RORA: variants seen among roughly 807,000 people sequenced by gnomAD.
RORA encodes the protein nuclear receptor ROR-alpha.
A neutral mutation model predicts 69.5 loss-of-function variants in RORA; 7 were observed. The ratio of observed to expected loss-of-function variants is 0.10; its 90% CI spans 0.06 to 0.19. The LOEUF (loss-of-function observed/expected upper bound fraction) is 0.19. Among genes scored for constraint, RORA ranks in the 10% least tolerant of loss-of-function variants. RORA has a pLI of 1.00. For synonymous variants in RORA, 261 were observed against 240.8 expected (o/e 1.08, Z -0.78); for missense variants, 457 against 663.0 (o/e 0.69, Z 3.41).
At chr15:60,829,217 G>A (rs2073005892) in intron 1 of RORA, among the ~76,000 whole-genome samples, 1 of 152,168 alleles carries the variant, frequency 6.6e-6, no homozygotes, top group African/African-American at 2.4e-5. Context: ...GCAGCAGGAA[G>A]GCTTCATCCC....
At chr15:60,898,036 G>C (rs1203177162) in intron 1 of RORA, among the ~76,000 whole-genome samples, 2 of 152,208 alleles carry the variant, frequency 1.3e-5, no homozygotes, top group Non-Finnish European at 2.9e-5. Context: ...AAAACTGTAA[G>C]ATTAGGAAAG....
intron 1 of RORA, among the ~76,000 whole-genome samples, chr15:60,948,718 A>C (rs929124412): frequency 3.9e-5 from 6 of 152,220 alleles, no homozygotes; most frequent in African/African-American, 1.4e-4. Flanking sequence ...ACACATTTGG[A>C]TCTTCCAATT....
chr15:60,731,413 T>C (rs1264676326), intron 1 of RORA, among the ~76,000 whole-genome samples: 1 of 152,158 alleles, frequency 6.6e-6, no homozygotes, highest in Non-Finnish European at 1.5e-5. Context: ...CACTGAGTGT[T>C]TCTGGTGAAA....
chr15:60,877,781 A>G (rs1384133328), intron 1 of RORA, among the ~76,000 whole-genome samples: 5 of 152,218 alleles, frequency 3.3e-5, no homozygotes, highest in Non-Finnish European at 7.3e-5. Context: ...TCAAAGCAAT[A>G]AAAGAAAGAT....
intron 1 of RORA, among the ~76,000 whole-genome samples, chr15:60,739,770 GCTTGT>G (rs1567174649): frequency 6.6e-6 from 1 of 151,810 alleles, no homozygotes; most frequent in African/African-American, 2.4e-5. Context: ...CACATTTACC[GCTTGT>G]CTCTGGGAGC....
At chr15:61,125,201 G>GT (rs1480287002) in intron 1 of RORA, among the ~76,000 whole-genome samples, 2 of 152,062 alleles carry the variant, frequency 1.3e-5, no homozygotes, top group Non-Finnish European at 2.9e-5. Context: ...GCCAACTATC[G>GT]TATTATTGTA....
chr15:60,985,199 A>G lies in RORA; in HGVS notation c.166+243854T>C, dbSNP rs1894163220. Reference sequence around the variant, plus strand: ...TGTCTGAATCTAAGAATCTTTTTCTATTATGATGAGTGAGATCAGGAAATG... The same window carrying G: ...TGTCTGAATCTAAGAATCTTTTTCTGTTATGATGAGTGAGATCAGGAAATG... On this transcript the variant is annotated intron_variant, in intron 1 of 10. Transcript: ENST00000335670. Among the ~76,000 whole-genome samples, 2 of 152,180 alleles carry G rather than the reference A, an allele frequency of 1.3e-5. 1 individual carries two copies. The highest frequency in any genetic ancestry group is 4.1e-4 in the South Asian group (2 of 4,836).
At chr15:60,917,529 AC>A (rs1891914156) in intron 1 of RORA, among the ~76,000 whole-genome samples, 5 of 152,134 alleles carry the variant, frequency 3.3e-5, no homozygotes. Flanking sequence ...GTGCTGTCCC[AC>A]TTTTTCCCTC....
intron 2 of RORA, among the ~76,000 whole-genome samples, chr15:60,676,421 T>G (rs1202215369): frequency 6.6e-6 from 1 of 152,252 alleles, no homozygotes; most frequent in Non-Finnish European, 1.5e-5. Context: ...CAGGTGCTAT[T>G]CTTTCCAATT....
chr15:61,100,686 C>T (rs2078866749), intron 1 of RORA, among the ~76,000 whole-genome samples: 1 of 152,154 alleles, frequency 6.6e-6, no homozygotes, highest in Non-Finnish European at 1.5e-5. Context: ...TGACACATTC[C>T]CGTGGCTCTG....
At chr15:60,629,281 G>GGTTCAAGCGATTCTCCTGC (rs1463257685) in intron 2 of RORA, among the ~76,000 whole-genome samples, 4 of 143,356 alleles carry the variant, frequency 2.8e-5, no homozygotes, top group Non-Finnish European at 6.0e-5. Flanking sequence ...CCGCCTCCTG[G>GGTTCAAGCGATTCTCCTGC]GTTCAAGCGA....
chr15:60,755,673 C>T (rs1265993731), intron 1 of RORA, among the ~76,000 whole-genome samples: 2 of 152,188 alleles, frequency 1.3e-5, no homozygotes, highest in Non-Finnish European at 2.9e-5. Context: ...CTCTGAATCC[C>T]ATAGCATTTT....
intron 1 of RORA, among the ~76,000 whole-genome samples, chr15:61,119,168 G>A (rs2079079096): frequency 6.6e-6 from 1 of 151,446 alleles, no homozygotes; most frequent in Non-Finnish European, 1.5e-5. Flanking sequence ...CCGCTTCCCA[G>A]AGATATTTTC....
rs2078171327 is a variant in RORA at position 61,060,689 on chromosome 15, A to C, written c.166+168364T>G. On this transcript the variant is annotated intron_variant, in intron 1 of 10. Transcript: ENST00000335670. Reference sequence around the variant, plus strand: ...TGCGCTTCAGTGATCCAGCCACCTCACTCTTTCTAGTGAAAGGAGAAAAAT... The same window carrying C: ...TGCGCTTCAGTGATCCAGCCACCTCCCTCTTTCTAGTGAAAGGAGAAAAAT... Among the ~76,000 whole-genome samples, 5 of 151,844 alleles carry C rather than the reference A, an allele frequency of 3.3e-5. No homozygotes were observed. The South Asian group carries it at 1.0e-3, about 32-fold the overall frequency.
rs565239523 is a variant in RORA at position 61,059,858 on chromosome 15, A to G, written c.166+169195T>C. ...CTTTCAATAATAAAATAATTCTTAA[A>G]ATGTAAAGGATGGAAAAAATGTAAA... is the stretch of plus-strand genomic sequence containing the variant. On this transcript the variant is annotated intron_variant, in intron 1 of 10. Coordinates refer to ENST00000335670, the MANE Select transcript of RORA (RefSeq NM_134261.3). Among the ~76,000 whole-genome samples the G allele has an allele frequency of 4.0e-5, 6 of 151,886 alleles. No homozygotes were observed. In the East Asian group the frequency reaches 9.7e-4, roughly 25 times the overall value.
intron 2 of RORA, among the ~76,000 whole-genome samples, chr15:60,536,960 A>C (rs1233631586): frequency 1.3e-5 from 2 of 152,368 alleles, no homozygotes; most frequent in Non-Finnish European, 2.9e-5. Context: ...TACAACCAGC[A>C]TGTATTACTT....
chr15:61,108,467 A>C (rs2078972009), intron 1 of RORA, among the ~76,000 whole-genome samples: 1 of 152,254 alleles, frequency 6.6e-6, no homozygotes, highest in Admixed American at 6.5e-5. Flanking sequence ...ACTTTATTGG[A>C]AACACAGCTA....
chr15:61,046,315 C>T (rs898088928), intron 1 of RORA, among the ~76,000 whole-genome samples: 2 of 152,172 alleles, frequency 1.3e-5, no homozygotes, highest in South Asian at 2.1e-4. Context: ...CTTCCTTCAC[C>T]CCATTCTGGC....
chr15:60,491,278 G>T lies in RORA; in HGVS notation c.*6177C>A, dbSNP rs2065035865. On this transcript the variant is annotated 3_prime_UTR_variant, in exon 11 of 11. Transcript: ENST00000335670. ...AGGAATCACACATGAACACTGGAGA[G>T]AATTTAGTTGTTCTTAGAGAACAAC... 6.6e-6 allele frequency: 1 copy of T among 152,130 alleles called. No individual in the cohort carries two copies. Among genetic ancestry groups the T allele is most frequent in the Non-Finnish European group, 1.5e-5 (1 of 68,012 alleles). The allele number at this position is 152,130 out of a possible 1,614,324, so 9.4% of individuals were successfully genotyped here. A position where few individuals can be genotyped will look rare whatever the true frequency, so the allele number is the denominator to read the frequency against.
Sources: allele counts gnomAD v4.1 joint callset (sites outside exome capture counted in the v4.1 genomes callset), GRCh38; gene constraint gnomAD v4.1.1; transcripts MANE v1.5; gene names NCBI Gene and HGNC (gene_info 2026-07-23, HGNC 2026-07-21).